Variants in PSD2 observed in about 807,000 individuals in gnomAD.
The protein encoded by PSD2 is pleckstrin and Sec7 domain containing 2.
PSD2 carries 38 observed loss-of-function variants against 69.8 expected under a neutral mutation model. That is an observed-to-expected ratio of 0.54 (90% confidence interval 0.42 to 0.71). PSD2 has a LOEUF of 0.71. Ranked by LOEUF, PSD2 falls within the 30% of genes least tolerant of loss-of-function variation. The pLI is 0.00. For missense variants in PSD2, 943 were observed against 1,014.5 expected, an observed-to-expected ratio of 0.93 and a Z score of 0.96; for synonymous variants, 412 against 423.0, an observed-to-expected ratio of 0.97 and a Z score of 0.32.
At chr5:139,797,649 TG>T (rs1759564884) in intron 1 of PSD2, among the ~76,000 whole-genome samples, 2 of 152,286 alleles carry the variant, frequency 1.3e-5, no homozygotes, top group South Asian at 2.1e-4. Flanking sequence ...AGAGTGTGGC[TG>T]GGGGGTATTA....
At chr5:139,745,678 G>C in the PSD2 span, among the ~76,000 whole-genome samples, 1 of 152,240 alleles carries the variant, frequency 6.6e-6, no homozygotes, top group East Asian at 1.9e-4. Context: ...CGGAGCTGCT[G>C]CGGGTTGCCC....
chr5:139,789,016 C>G, the PSD2 span, among the ~76,000 whole-genome samples: 11 of 152,216 alleles, frequency 7.2e-5, no homozygotes, highest in Non-Finnish European at 1.0e-4. Flanking sequence ...ACGTTGTCCT[C>G]GTTTGCAGAC....
the PSD2 span, among the ~76,000 whole-genome samples, chr5:139,748,870 G>A: frequency 6.6e-6 from 1 of 151,496 alleles, no homozygotes; most frequent in South Asian, 2.1e-4. Flanking sequence ...AGAGAGAAGG[G>A]AGCAGTCACC....
intron 14 of PSD2, among the ~76,000 whole-genome samples, chr5:139,841,672 A>G (rs747249280): frequency 6.6e-6 from 1 of 152,152 alleles, no homozygotes; most frequent in Non-Finnish European, 1.5e-5. Context: ...CCTCACCAAC[A>G]TGTATTTTCT....
the PSD2 span, among the ~76,000 whole-genome samples, chr5:139,750,515 A>C: frequency 6.2e-3 from 945 of 152,240 alleles, 5 homozygotes; most frequent in Middle Eastern, 0.024. Context: ...TAGCCACATC[A>C]TCAAAGGAGG....
At chr5:139,742,653 A>G in the PSD2 span, 1 of 153,318 alleles carries the variant, frequency 6.5e-6, no homozygotes. Flanking sequence ...AGGGGGTGAC[A>G]GTGTGAGTGC....
At chr5:139,781,576 C>T in the PSD2 span, among the ~76,000 whole-genome samples, 246 of 151,964 alleles carry the variant, frequency 1.6e-3, 1 homozygote, top group Non-Finnish European at 2.5e-3. Context: ...ACCTCGTGAT[C>T]CACCTGTCTT....
chr5:139,809,930 T>A, intron 2 of PSD2, 119 bp downstream of exon 2: 1 of 1,105,916 alleles, frequency 9.0e-7, no homozygotes. Flanking sequence ...AATGGGGATT[T>A]CATATCCCTC....
intron 2 of PSD2, among the ~76,000 whole-genome samples, chr5:139,810,466 C>G (rs1319249269): frequency 6.6e-6 from 1 of 152,212 alleles, no homozygotes; most frequent in Non-Finnish European, 1.5e-5. Context: ...TAGCTGCAGG[C>G]TCTGGCCTGA....
chr5:139,744,213 G>T, the PSD2 span, among the ~76,000 whole-genome samples: 2 of 152,276 alleles, frequency 1.3e-5, no homozygotes, highest in East Asian at 3.9e-4. Flanking sequence ...CCATCACAGT[G>T]ATCTGTGTGG....
chr5:139,752,659 G>A, the PSD2 span, among the ~76,000 whole-genome samples: 3 of 152,136 alleles, frequency 2.0e-5, no homozygotes, highest in Non-Finnish European at 4.4e-5. Context: ...GGCACAGACA[G>A]GTACACACAG....
the PSD2 span, among the ~76,000 whole-genome samples, chr5:139,781,465 A>G: frequency 1.3e-5 from 2 of 151,194 alleles, no homozygotes; most frequent in Admixed American, 1.3e-4. Context: ...CCTCCCGAGT[A>G]GCTGGGACTA....
intron 8 of PSD2, among the ~76,000 whole-genome samples, chr5:139,834,478 T>G (rs1442744632): frequency 4.0e-5 from 6 of 151,590 alleles, no homozygotes; most frequent in Non-Finnish European, 1.5e-5. Context: ...TTTTTTTTTT[T>G]TTATAGAGCT....
At chr5:139,783,036 T>G in the PSD2 span, among the ~76,000 whole-genome samples, 1 of 152,220 alleles carries the variant, frequency 6.6e-6, no homozygotes, top group East Asian at 1.9e-4. Flanking sequence ...GTCATGTCTA[T>G]CCTACTTTCT....
chr5:139,809,452 C>A lies in PSD2; in HGVS notation c.12C>A (p.Asp4Glu), dbSNP rs199676374. The A allele has an allele frequency of 4.8e-5, 77 of 1,611,406 alleles. No homozygotes were observed. In the African/African-American group the frequency reaches 8.9e-4, roughly 19 times the overall value. The change falls in exon 2 of 15, where the codon GAC becomes GAA. Residue 4 changes from aspartate (D) to glutamate (E), a missense_variant. This residue lies in a region of PSD2 where 466 missense variants were observed against 445.0 expected (regional missense o/e 1.05). Coordinates refer to ENST00000274710, the MANE Select transcript of PSD2 (RefSeq NM_032289.4). Reference sequence around the variant, plus strand: ...AAGCAGTGGCTGCCATGGAGGAGGACAAGCTCTTATCTGCAGTGCCTGAGG... The same window carrying A: ...AAGCAGTGGCTGCCATGGAGGAGGAAAAGCTCTTATCTGCAGTGCCTGAGG... MEE[D>E]KLLSAVPEEG...
intron 14 of PSD2, among the ~76,000 whole-genome samples, 197 bp downstream of exon 14, chr5:139,840,367 G>T (rs1339493401): frequency 6.6e-6 from 1 of 152,130 alleles, no homozygotes; most frequent in Non-Finnish European, 1.5e-5. Context: ...GCAGTGAGGG[G>T]CAGAAGCTCA....
chr5:139,821,110 T>G (rs1760248038), intron 5 of PSD2, among the ~76,000 whole-genome samples: 1 of 152,054 alleles, frequency 6.6e-6, no homozygotes, highest in African/African-American at 2.4e-5. Context: ...TTTTTGTATT[T>G]TTAGTAGAGA....
At chr5:139,816,676 T>C (rs747323783) in intron 4 of PSD2, among the ~76,000 whole-genome samples, 3 of 152,380 alleles carry the variant, frequency 2.0e-5, no homozygotes, top group East Asian at 1.9e-4. Flanking sequence ...ACAGTCTTCG[T>C]TGGCCTGCAG....
At position 139,837,782 on chromosome 5, in the gene PSD2, C is replaced by G. The variant is rs751591620; in HGVS notation, c.1823C>G (p.Pro608Arg). ...TGGAGGGTATTCCTCTTCCAGGCAC[C>G]GTGAGTAGGAGCTGGAGCCCTTCAC... ...ADWRVFLFQA[P>R]SKEEMLSWIL... Residue 608 changes from proline (P) to arginine (R), a missense_variant and splice_region_variant, in exon 12 of 15, where the codon CCG (proline) becomes CGG (arginine). Physicochemically the swap from Pro to Arg is moderately radical, Grantham distance 103 (BLOSUM62 -2). This residue lies in a region of PSD2 where 312 missense variants were observed against 400.7 expected (regional missense o/e 0.78). Coordinates refer to ENST00000274710, the MANE Select transcript of PSD2 (RefSeq NM_032289.4). This position sits in a 1 kb window ranked among gnomAD's most constrained non-coding sequence, Gnocchi z 5.0. 8 of 1,606,972 alleles carry G rather than the reference C, an allele frequency of 5.0e-6. No individual in the cohort carries two copies. The highest frequency in any genetic ancestry group is 1.7e-4 in the Middle Eastern group (1 of 6,052).
Sources: gnomAD v4.1 joint callset for allele counts (sites outside exome capture counted in the v4.1 genomes callset) on GRCh38, gnomAD v4.1.1 for gene constraint, gnomAD v4.1.1 regional missense constraint, Gnocchi (gnomAD v3.1) non-coding constraint, MANE v1.5 for transcripts, NCBI Gene and HGNC (gene_info 2026-07-23, HGNC 2026-07-21) for gene names.